Variants in SPAG17 observed in about 807,000 individuals in gnomAD.
The protein encoded by SPAG17 is sperm-associated antigen 17.
SPAG17 carries 169 observed loss-of-function variants against 273.6 expected under a neutral mutation model. The observed-to-expected ratio is 0.62, with a 90% CI of 0.55 to 0.70. The LOEUF is 0.70. Among genes scored for constraint, SPAG17 ranks in the 30% least tolerant of loss-of-function variants. SPAG17 has a pLI of 0.00. For synonymous variants in SPAG17, 825 were observed against 873.2 expected (o/e 0.94, Z 0.97); for missense variants, 2,557 against 2,627.8 (o/e 0.97, Z 0.59).
At chr1:118,074,096 A>G in intron 16 of SPAG17, 129 bp from the exon 17 acceptor site, 1 of 630,990 alleles carries the variant, frequency 1.6e-6, no homozygotes, top group South Asian at 2.4e-5. Flanking sequence ...ATAAATCCAT[A>G]TGGCAACATT....
At chr1:118,106,899 T>G (rs1656434778) in intron 4 of SPAG17, among the ~76,000 whole-genome samples, 1 of 152,202 alleles carries the variant, frequency 6.6e-6, no homozygotes, top group African/African-American at 2.4e-5. Context: ...TTTGAAGCCA[T>G]TTTAGCAAAG....
chr1:117,988,205 C>T lies in SPAG17; in HGVS notation c.5522-1G>A, dbSNP rs1656657213. 6.3e-6 allele frequency: 10 copies of T among 1,591,374 alleles called. No homozygotes were observed. The highest frequency in any genetic ancestry group is 8.5e-6 in the Non-Finnish European group (10 of 1,171,950). ...AATAAATCAGTTAGGTGAGCTGCAA[C>T]TTTAAACATAGATGTATTTAACTTT... On this transcript the variant is annotated splice_acceptor_variant, in intron 38 of 48. Coordinates refer to ENST00000336338, the MANE Select transcript of SPAG17 (RefSeq NM_206996.4). LOFTEE classifies it high-confidence loss of function.
rs377397802 is a variant in SPAG17, at chr1:118,107,333, C to T, written c.448-5407G>A. ...CTTTTCTTTCTCCAGAGCACTCCAC[C>T]CACCTCAGCCATTCATCCTGCTCAC... is the stretch of plus-strand genomic sequence containing the variant. On this transcript the variant is annotated intron_variant, in intron 4 of 48. Transcript: ENST00000336338. 2.4e-4 allele frequency among the ~76,000 whole-genome samples: 37 copies of T among 152,240 alleles called. No individual in the cohort carries two copies. In the South Asian group the frequency reaches 7.2e-3, roughly 30 times the overall value.
chr1:118,087,814 C>T (rs1655106849), intron 10 of SPAG17, among the ~76,000 whole-genome samples: 1 of 152,182 alleles, frequency 6.6e-6, no homozygotes, highest in South Asian at 2.1e-4. Flanking sequence ...TCAGCCTTGG[C>T]ATTAATGACA....
chr1:118,038,965 C>T (rs1487337906), intron 23 of SPAG17, among the ~76,000 whole-genome samples: 4 of 152,046 alleles, frequency 2.6e-5, no homozygotes, highest in Admixed American at 2.0e-4. Context: ...ACAAATGTAC[C>T]GCTCTGGGTG....
intron 17 of SPAG17, among the ~76,000 whole-genome samples, chr1:118,071,232 T>G (rs761341207): frequency 9.2e-5 from 14 of 151,632 alleles, no homozygotes; most frequent in Non-Finnish European, 1.9e-4. Flanking sequence ...TATATTACCC[T>G]CCAATGTGAA....
At chr1:118,113,258 G>T (rs1363604881) in intron 4 of SPAG17, among the ~76,000 whole-genome samples, 1 of 152,058 alleles carries the variant, frequency 6.6e-6, no homozygotes, top group Non-Finnish European at 1.5e-5. Flanking sequence ...ATCTCACTGT[G>T]GGTTCAGGAA....
intron 48 of SPAG17, among the ~76,000 whole-genome samples, chr1:117,958,700 G>A (rs965296176): frequency 1.3e-5 from 2 of 151,176 alleles, no homozygotes; most frequent in African/African-American, 4.9e-5. Context: ...GTGTCATAAG[G>A]TTTAGGACAG....
At chr1:118,147,490 T>C (rs1248822448) in intron 3 of SPAG17, among the ~76,000 whole-genome samples, 1 of 150,650 alleles carries the variant, frequency 6.6e-6, no homozygotes, top group Non-Finnish European at 1.5e-5. Context: ...TCTGTTCTCA[T>C]TCCCACATGA....
intron 17 of SPAG17, among the ~76,000 whole-genome samples, chr1:118,072,096 T>C (rs1165362890): frequency 6.6e-6 from 1 of 152,130 alleles, no homozygotes; most frequent in East Asian, 1.9e-4. Context: ...AACAACTGAT[T>C]AGGAATCAGA....
chr1:118,073,942 G>C lies in SPAG17; in HGVS notation c.2297C>G (p.Ala766Gly). 2 of 1,565,114 alleles carry C rather than the reference G, an allele frequency of 1.3e-6. No individual in the cohort carries two copies. Among genetic ancestry groups the C allele is most frequent in the Non-Finnish European group, 1.7e-6 (2 of 1,163,746 alleles). Reference protein sequence around the residue: ...EKKPKKMMVEADLEDIKKTQQ... With the variant: ...EKKPKKMMVEGDLEDIKKTQQ... ...TGTTTTCTTTATGTCCTCTAAATCT[G>C]CTTCCACCATCATCTTCTTGGGTTT... The change falls in exon 17 of 49, where the codon GCA becomes GGA. Residue 766 changes from alanine to glycine, a missense_variant. Transcript: ENST00000336338.
At chr1:118,180,262 T>A (rs191523269) in intron 1 of SPAG17, among the ~76,000 whole-genome samples, 1 of 152,028 alleles carries the variant, frequency 6.6e-6, no homozygotes, top group East Asian at 1.9e-4. Flanking sequence ...AATGAAATAC[T>A]ATTCAGCCAT....
At chr1:118,173,032 TGAAAAA>T (rs933677743) in intron 1 of SPAG17, among the ~76,000 whole-genome samples, 4 of 149,582 alleles carry the variant, frequency 2.7e-5, no homozygotes, top group African/African-American at 9.9e-5. Context: ...TTGGAAAAAA[TGAAAAA>T]GAAAATCAGA....
chr1:117,987,827 T>C lies in SPAG17; in HGVS notation c.5669+7A>G, dbSNP rs184368389. The C allele has an allele frequency of 2.7e-4, 436 of 1,613,880 alleles. 5 individuals are homozygous for C. The East Asian group carries it at 6.5e-3, about 24-fold the overall frequency. On this transcript the variant is annotated splice_region_variant and intron_variant, in intron 40 of 48. Transcript: ENST00000336338. ...AGGTCCTTATGTGCGTTTTGGGGTA[T>C]AATTACCTCGTTTTGTCTATCTTTT...
At chr1:118,131,048 C>T (rs796792230) in intron 3 of SPAG17, among the ~76,000 whole-genome samples, 7 of 152,286 alleles carry the variant, frequency 4.6e-5, no homozygotes, top group African/African-American at 1.7e-4. Flanking sequence ...GGACTCAAAC[C>T]ACAATGAGCT....
intron 42 of SPAG17, 40 bp downstream of exon 42, chr1:117,983,771 C>T (rs369790163): frequency 5.0e-5 from 69 of 1,393,440 alleles, no homozygotes; most frequent in Admixed American, 1.2e-4. Flanking sequence ...TATTCAGTTA[C>T]GGACATTTAA....
At position 118,012,275 on chromosome 1, in the gene SPAG17, T is replaced by C. The variant is rs750287538; in HGVS notation, c.4385A>G (p.Tyr1462Cys). The C allele has an allele frequency of 6.8e-6, 11 of 1,613,596 alleles. 1 individual carries two copies. The South Asian group carries it at 7.7e-5, about 11-fold the overall frequency. Residue 1462 changes from tyrosine (Y) to cysteine (C), a missense_variant, in exon 30 of 49, where the codon TAT becomes TGT. By Grantham distance (194) the Tyr-to-Cys change is radical. Coordinates refer to ENST00000336338, the MANE Select transcript of SPAG17 (RefSeq NM_206996.4). Reference sequence around the variant, plus strand: ...AATAATTTGATCTTCATAAACTTGATAAAAGGTTGTGATTCTGGTACCATC... The same window carrying C: ...AATAATTTGATCTTCATAAACTTGACAAAAGGTTGTGATTCTGGTACCATC... ...HADGTRITTFYQVYEDQIILP... is the reference protein window; with the variant it reads ...HADGTRITTFCQVYEDQIILP...
At chr1:118,170,949 C>G (rs1404135310) in intron 1 of SPAG17, among the ~76,000 whole-genome samples, 1 of 152,156 alleles carries the variant, frequency 6.6e-6, no homozygotes, top group Non-Finnish European at 1.5e-5. Flanking sequence ...CAGATGGTCA[C>G]TTTCAATTTT....
intron 18 of SPAG17, among the ~76,000 whole-genome samples, chr1:118,064,339 A>G (rs1225612191): frequency 3.3e-5 from 5 of 151,792 alleles, no homozygotes; most frequent in Non-Finnish European, 5.9e-5. Context: ...ACCAACCCAA[A>G]TGTCCAACAA....
Sources: allele counts gnomAD v4.1 joint callset (sites outside exome capture counted in the v4.1 genomes callset), GRCh38; gene constraint gnomAD v4.1.1; transcripts MANE v1.5; gene names NCBI Gene and HGNC (gene_info 2026-07-23, HGNC 2026-07-21).